The following KCNH1 variants were observed in gnomAD, a reference collection of about 807,000 sequenced individuals.
The protein encoded by KCNH1 is potassium voltage-gated channel subfamily H member 1, also known as voltage-gated delayed rectifier potassium channel KCNH1.
Under a neutral mutation model 69.2 loss-of-function variants are expected in KCNH1, and 27 were observed. That is an observed-to-expected ratio of 0.39 (90% CI 0.29 to 0.54). KCNH1 has a LOEUF of 0.54. Ranked by LOEUF, KCNH1 falls within the 20% of genes least tolerant of loss-of-function variation. The probability of loss-of-function intolerance (pLI) is 0.68; values close to 1 mark genes in which losing one functional copy is unlikely to be tolerated. For synonymous variants in KCNH1, 456 were observed against 487.7 expected (o/e 0.93, Z 0.86); for missense variants, 798 against 1,261.6 (o/e 0.63, Z 5.57).
intron 7 of KCNH1, among the ~76,000 whole-genome samples, chr1:210,886,991 G>C (rs917681565): frequency 6.6e-6 from 1 of 152,118 alleles, no homozygotes; most frequent in South Asian, 2.1e-4. Context: ...TTATACAAGA[G>C]AACTTCCCCA....
chr1:210,685,601 T>A (rs1681392039), intron 10 of KCNH1, among the ~76,000 whole-genome samples: 1 of 152,188 alleles, frequency 6.6e-6, no homozygotes, highest in Non-Finnish European at 1.5e-5. Context: ...CCTTAAAAAG[T>A]GAGGAAAATC....
At chr1:210,778,582 C>T (rs1294574391) in intron 9 of KCNH1, among the ~76,000 whole-genome samples, 1 of 150,008 alleles carries the variant, frequency 6.7e-6, no homozygotes, top group Non-Finnish European at 1.5e-5. Flanking sequence ...TCCAGCAGAA[C>T]ATCACAAATC....
In KCNH1 at chr1:210,799,568, T is replaced by C. The variant is rs1684390040; in HGVS notation, c.1663-1808A>G. ...TGCAATAAAACATTGCATGGCCCCC[T>C]ACATAGCAAGCATTAAGTATGGACA... On this transcript the variant is annotated intron_variant, in intron 8 of 10. Transcript: ENST00000271751. Among the ~76,000 whole-genome samples, 3 of 152,184 alleles carry C rather than the reference T, an allele frequency of 2.0e-5. No homozygotes were observed. The South Asian group carries it at 6.2e-4, about 31-fold the overall frequency.
rs1414532263 is a variant in KCNH1, at chr1:210,825,675, G to A, written c.1463-21509C>T. Reference sequence around the variant, plus strand: ...ATTCCTCTTTAAAGACAATTCAAATGTCACTTTCTCTTCTTCTGTGCCACC... The same window carrying A: ...ATTCCTCTTTAAAGACAATTCAAATATCACTTTCTCTTCTTCTGTGCCACC... On this transcript the variant is annotated intron_variant, in intron 7 of 10. Coordinates refer to ENST00000271751, the MANE Select transcript of KCNH1 (RefSeq NM_172362.3). 1.1e-4 allele frequency among the ~76,000 whole-genome samples: 16 copies of A among 152,184 alleles called. 1 individual carries two copies. The highest frequency in any genetic ancestry group is 1.0e-3 in the Admixed American group (16 of 15,270).
At chr1:211,125,713 G>T (rs528436312) in intron 1 of KCNH1, among the ~76,000 whole-genome samples, 2 of 152,168 alleles carry the variant, frequency 1.3e-5, no homozygotes. Flanking sequence ...ATGGAAGGCC[G>T]TTTCTCTTCT....
intron 10 of KCNH1, among the ~76,000 whole-genome samples, chr1:210,754,972 G>T (rs577773339): frequency 5.0e-4 from 76 of 152,272 alleles, no homozygotes; most frequent in African/African-American, 1.7e-3. Flanking sequence ...CCAGCCATGG[G>T]TGTGGGAGCA....
intron 6 of KCNH1, among the ~76,000 whole-genome samples, chr1:210,967,311 TTAAAGTAAAA>T (rs1312283045): frequency 6.6e-6 from 1 of 152,056 alleles, no homozygotes; most frequent in Non-Finnish European, 1.5e-5. Context: ...ACCCCAGAAC[TTAAAGTAAAA>T]TAAAGTAAAA....
chr1:210,700,390 C>G (rs767590132), intron 10 of KCNH1, among the ~76,000 whole-genome samples: 23 of 152,288 alleles, frequency 1.5e-4, no homozygotes, highest in South Asian at 2.1e-4. Context: ...CCCCTCTAGC[C>G]AGGAGTGTGA....
At chr1:210,959,090 A>G (rs143574977) in intron 6 of KCNH1, among the ~76,000 whole-genome samples, 5 of 152,066 alleles carry the variant, frequency 3.3e-5, no homozygotes, top group African/African-American at 7.2e-5. Flanking sequence ...CCAATAAATG[A>G]GGTTTTGGTG....
intron 7 of KCNH1, chr1:210,859,079 G>T: frequency 2.6e-6 from 2 of 758,032 alleles, no homozygotes; most frequent in Non-Finnish European, 2.3e-6. Flanking sequence ...CTGATCATTA[G>T]TTTAGAATAG....
Position 210,770,261 on chromosome 1 carries a change from AC to A in KCNH1, c.2112+5086del, listed in dbSNP as rs1279697223. On this transcript the variant is annotated intron_variant, in intron 10 of 10. Transcript: ENST00000271751. ...TGGACAAAAACCTAATGCACATGGG[AC>A]TTAAAACCTAGATGATGGGTTGATA... is the stretch of plus-strand genomic sequence containing the variant. Among the ~76,000 whole-genome samples the A allele has an allele frequency of 2.6e-5, 4 of 152,284 alleles. No homozygotes were observed. The East Asian group carries it at 7.7e-4, about 29-fold the overall frequency.
chr1:210,812,967 C>A (rs1684737516), intron 7 of KCNH1, among the ~76,000 whole-genome samples: 1 of 152,182 alleles, frequency 6.6e-6, no homozygotes, highest in East Asian at 1.9e-4. Context: ...AGGCAAATAA[C>A]TTTACTTCTT....
At chr1:210,777,068 C>T (rs1462167615) in intron 9 of KCNH1, among the ~76,000 whole-genome samples, 1 of 152,202 alleles carries the variant, frequency 6.6e-6, no homozygotes, top group Non-Finnish European at 1.5e-5. Flanking sequence ...AGGGAGTTGT[C>T]AGCCTGTACA....
chr1:210,908,708 G>A (rs7522894), intron 7 of KCNH1, among the ~76,000 whole-genome samples: 21,273 of 152,016 alleles, frequency 0.14, 1,786 homozygotes, highest in East Asian at 0.37. Context: ...CTTTAAGAAG[G>A]GGGCCCAGCC....
chr1:210,959,511 G>A (rs1688253742), intron 6 of KCNH1, among the ~76,000 whole-genome samples: 1 of 152,228 alleles, frequency 6.6e-6, no homozygotes, highest in South Asian at 2.1e-4. Flanking sequence ...GTTCAGCTAT[G>A]CCCTGTCCAC....
At position 211,081,829 on chromosome 1, in the gene KCNH1, A is replaced by G. The variant is rs566002316; in HGVS notation, c.558+951T>C. ...CCCGGGGCCTGTCATGGGATGGGGG[A>G]CGGGGGAGGGATAGCGTTAGGAGAA... On this transcript the variant is annotated intron_variant, in intron 5 of 10. Coordinates refer to ENST00000271751, the MANE Select transcript of KCNH1 (RefSeq NM_172362.3). Among the ~76,000 whole-genome samples, 242 of 152,218 alleles carry G rather than the reference A, an allele frequency of 1.6e-3. 2 individuals are homozygous for G. The Middle Eastern group carries it at 0.027, about 17-fold the overall frequency.
At chr1:211,042,310 CTTG>C (rs1170106930) in intron 5 of KCNH1, among the ~76,000 whole-genome samples, 1 of 151,984 alleles carries the variant, frequency 6.6e-6, no homozygotes, top group Non-Finnish European at 1.5e-5. Context: ...TATTTTTTTA[CTTG>C]TTTATAGATG....
At chr1:211,076,497 C>A (rs943278999) in intron 5 of KCNH1, among the ~76,000 whole-genome samples, 3 of 152,224 alleles carry the variant, frequency 2.0e-5, no homozygotes, top group South Asian at 4.1e-4. Context: ...CAAACTCCAA[C>A]AGACCTGCAG....
intron 5 of KCNH1, among the ~76,000 whole-genome samples, chr1:211,034,936 T>C (rs887691321): frequency 6.6e-6 from 1 of 152,226 alleles, no homozygotes; most frequent in Non-Finnish European, 1.5e-5. Flanking sequence ...ATGGCTCTTC[T>C]GTGACAGTTT....
Sources: allele counts gnomAD v4.1 joint callset (sites outside exome capture counted in the v4.1 genomes callset), GRCh38; gene constraint gnomAD v4.1.1; transcripts MANE v1.5; gene names NCBI Gene and HGNC (gene_info 2026-07-23, HGNC 2026-07-21).